The following SPP1 variants were observed in gnomAD, a reference collection of about 807,000 sequenced individuals.
SPP1 encodes osteopontin.
In SPP1, 18 loss-of-function variants were observed where a neutral mutation model predicts 20.8. That is an observed-to-expected ratio of 0.87 (90% confidence interval 0.60 to 1.29). The LOEUF (loss-of-function observed/expected upper bound fraction) is 1.29, where lower values mean the gene tolerates loss of function less well. Among genes scored for constraint, SPP1 ranks in the 50% most tolerant of loss-of-function variants. The pLI is 0.00. For synonymous variants in SPP1, 146 were observed against 141.5 expected, an observed-to-expected ratio of 1.03 and a Z score of -0.23; for missense variants, 363 against 389.0, an observed-to-expected ratio of 0.93 and a Z score of 0.56.
intron 4 of SPP1, 85 bp downstream of exon 4, chr4:87,980,211 C>A: frequency 6.5e-7 from 1 of 1,529,186 alleles, no homozygotes; most frequent in Non-Finnish European, 9.0e-7. Context: ...TGAATCCTGC[C>A]TGCCTGCTGG....
chr4:87,982,348 C>T (rs1274649325), intron 6 of SPP1, 144 bp from the exon 7 acceptor site: 1 of 954,626 alleles, frequency 1.0e-6, no homozygotes, highest in African/African-American at 1.7e-5. Flanking sequence ...AAGTACTATA[C>T]AAAGTAACAT....
chr4:87,979,146 CT>C (rs1369462943), intron 3 of SPP1, among the ~76,000 whole-genome samples: 1 of 148,024 alleles, frequency 6.8e-6, no homozygotes, highest in African/African-American at 2.5e-5. Flanking sequence ...AACTGAGGAA[CT>C]GAATTTTTAT....
intron 6 of SPP1, 28 bp downstream of exon 6, chr4:87,981,826 G>A (rs1298248919): frequency 1.9e-6 from 3 of 1,596,016 alleles, no homozygotes; most frequent in Non-Finnish European, 2.6e-6. Flanking sequence ...CACACCTGAT[G>A]GTTCTGACTA....
rs1725686488 is a variant in SPP1, at chr4:87,982,474, A to T, written c.541-18A>T. ...CTAGCCGTTCATATAATTATTCTTC[A>T]TTTGTGCCGTGATTCAGTACCCTGA... On this transcript the variant is annotated intron_variant, in intron 6 of 6. Coordinates refer to ENST00000395080, the MANE Select transcript of SPP1 (RefSeq NM_001040058.2). 2 of 1,605,300 alleles carry T rather than the reference A, an allele frequency of 1.2e-6. No homozygotes were observed. Among genetic ancestry groups the T allele is most frequent in the Non-Finnish European group, 1.7e-6 (2 of 1,174,082 alleles).
rs941613701 is a variant in SPP1, at chr4:87,982,806, G to T, written c.855G>T (p.Leu285=). Residue 285 remains leucine, a synonymous_variant, in exon 7 of 7, where the codon CTG becomes CTT. Coordinates refer to ENST00000395080, the MANE Select transcript of SPP1 (RefSeq NM_001040058.2). The stretch of plus-strand genomic sequence containing the variant: ...AATTTCACAGCCATGAAGATATGCT[G>T]GTTGTAGACCCCAAAAGTAAGGAAG... The part of the protein sequence containing the change: ...SHEFHSHEDM[L]VVDPKSKEED... 3 of 1,614,036 alleles carry T rather than the reference G, an allele frequency of 1.9e-6. No homozygotes were observed. In the African/African-American group the frequency reaches 4.0e-5, roughly 22 times the overall value.
intron 3 of SPP1, 68 bp downstream of exon 3, chr4:87,977,165 G>A (rs182422254): frequency 8.9e-6 from 13 of 1,459,954 alleles, no homozygotes; most frequent in East Asian, 2.3e-5. Context: ...TGCAAGAAAC[G>A]TATTTGCTGC....
chr4:87,980,455 A>G, intron 5 of SPP1, 21 bp downstream of exon 5: 1 of 1,613,492 alleles, frequency 6.2e-7, no homozygotes, highest in Non-Finnish European at 8.5e-7. Flanking sequence ...ATTTTCAATC[A>G]GAGGCCCATC....
At position 87,981,759 on chromosome 4, in the gene SPP1, G is replaced by A. The variant is rs751948923; in HGVS notation, c.501G>A (p.Leu167=). The change falls in exon 6 of 7, where the codon CTG becomes CTA. Residue 167 remains leucine, a synonymous_variant. Transcript: ENST00000395080. ...DGRGDSVVYG[L]RSKSKKFRRP... Reference sequence around the variant, plus strand: ...GAGGTGATAGTGTGGTTTATGGACTGAGGTCAAAATCTAAGAAGTTTCGCA... The same window carrying A: ...GAGGTGATAGTGTGGTTTATGGACTAAGGTCAAAATCTAAGAAGTTTCGCA... 2.5e-6 allele frequency: 4 copies of A among 1,614,002 alleles called. No homozygotes were observed. In the South Asian group the frequency reaches 3.3e-5, roughly 13 times the overall value.
intron 6 of SPP1, 116 bp downstream of exon 6, chr4:87,981,914 C>A: frequency 2.2e-6 from 2 of 913,014 alleles, no homozygotes; most frequent in Non-Finnish European, 3.3e-6. Flanking sequence ...AGCAAGAATT[C>A]ATTCATATTC....
rs1578103546 is a variant in SPP1, at chr4:87,981,708, C to T, written c.450C>T (p.Val150=). ...LPATEVFTPV[V]PTVDTYDGRG... is the part of the protein sequence containing the mutation. ...CAACCGAAGTTTTCACTCCAGTTGT[C>T]CCCACAGTAGACACATATGATGGCC... Residue 150 remains valine, a synonymous_variant, in exon 6 of 7, where the codon GTC becomes GTT. Coordinates refer to ENST00000395080, the MANE Select transcript of SPP1 (RefSeq NM_001040058.2). The T allele has an allele frequency of 1.2e-6, 2 of 1,614,174 alleles. No homozygotes were observed. Among genetic ancestry groups the T allele is most frequent in the Non-Finnish European group, 1.7e-6 (2 of 1,180,022 alleles).
intron 5 of SPP1, chr4:87,980,790 T>A (rs1725610862): frequency 1.4e-5 from 3 of 207,188 alleles, no homozygotes; most frequent in Middle Eastern, 1.7e-3. Context: ...AATAGTTTAT[T>A]TGACAACTAT....
In SPP1 at chr4:87,981,584, A is replaced by T; in HGVS notation, c.326A>T (p.Asp109Val). The change falls in exon 6 of 7, where the codon GAT becomes GTT. Residue 109 changes from aspartate to valine, a missense_variant. Physicochemically the swap from Asp to Val is radical, Grantham distance 152 (BLOSUM62 -3). Coordinates refer to ENST00000395080, the MANE Select transcript of SPP1 (RefSeq NM_001040058.2). ...GACTCCATTGACTCGAACGACTCTG[A>T]TGATGTAGATGACACTGATGATTCT... The part of the protein sequence containing the change: ...SQDSIDSNDS[D>V]DVDDTDDSHQ... 2 of 1,614,186 alleles carry T rather than the reference A, an allele frequency of 1.2e-6. No individual in the cohort carries two copies. Among genetic ancestry groups the T allele is most frequent in the Non-Finnish European group, 1.7e-6 (2 of 1,180,034 alleles).
chr4:87,977,798 A>G, intron 3 of SPP1: 1 of 1,284,470 alleles, frequency 7.8e-7, no homozygotes, highest in South Asian at 1.3e-5. Context: ...GCCAAAATAG[A>G]GCTGCCTTGG....
At chr4:87,981,886 C>T (rs1725665418) in intron 6 of SPP1, 88 bp downstream of exon 6, 1 of 1,114,806 alleles carries the variant, frequency 9.0e-7, no homozygotes, top group South Asian at 1.5e-5. Flanking sequence ...ATTCATTCAT[C>T]CATTCATTCA....
At chr4:87,982,195 A>G (rs776336930) in intron 6 of SPP1, among the ~76,000 whole-genome samples, 12 of 152,132 alleles carry the variant, frequency 7.9e-5, no homozygotes, top group Non-Finnish European at 1.6e-4. Flanking sequence ...GCCGTTTACT[A>G]TTCTCTTTAC....
chr4:87,976,841 C>A (rs963302891), intron 1 of SPP1, 41 bp from the exon 2 acceptor site: 30 of 1,438,016 alleles, frequency 2.1e-5, no homozygotes, highest in East Asian at 9.2e-5. Context: ...ACTGTTGTAA[C>A]CTATGAAGAT....
Position 87,980,417 on chromosome 4 carries a change from A to G in SPP1, c.199A>G (p.Asn67Asp). 2 of 1,614,144 alleles carry G rather than the reference A, an allele frequency of 1.2e-6. No homozygotes were observed. The highest frequency in any genetic ancestry group is 2.2e-5 in the South Asian group (2 of 91,064). ...GAATGCTGTGTCCTCTGAAGAAACC[A>G]ATGACTTTAAACAAGAGGTAAGTTC... ...PQNAVSSEETNDFKQETLPSK... is the reference protein window; with the variant it reads ...PQNAVSSEETDDFKQETLPSK... The change falls in exon 5 of 7, where the codon AAT becomes GAT. Residue 67 changes from asparagine (N) to aspartate (D), a missense_variant. Asn to Asp is a conservative substitution (Grantham distance 23, BLOSUM62 1). Transcript: ENST00000395080.
rs1365049856 is a variant in SPP1, at chr4:87,977,557, C to T, written c.93+460C>T. ...GAGAAGCCCATTGTGAAAAGAAAGT[C>T]TATGTGTGCTGTTTGTATCTATTGT... On this transcript the variant is annotated intron_variant, in intron 3 of 6. Transcript: ENST00000395080. 4 of 636,046 alleles carry T rather than the reference C, an allele frequency of 6.3e-6. 1 individual carries two copies. The highest frequency in any genetic ancestry group is 2.0e-5 in the African/African-American group (1 of 51,114). The allele number at this position is 636,046 out of a possible 1,614,324, so 39.4% of individuals were successfully genotyped here.
chr4:87,977,033 C>T, intron 2 of SPP1, 26 bp from the exon 3 acceptor site: 1 of 1,613,958 alleles, frequency 6.2e-7, no homozygotes, highest in Non-Finnish European at 8.5e-7. Flanking sequence ...TTCTTGTAAT[C>T]TTTCTTCATC....
Sources: allele counts gnomAD v4.1 joint callset (sites outside exome capture counted in the v4.1 genomes callset), GRCh38; gene constraint gnomAD v4.1.1; transcripts MANE v1.5; gene names NCBI Gene and HGNC (gene_info 2026-07-23, HGNC 2026-07-21).